The following RAPH1 variants were observed in gnomAD, a reference collection of about 807,000 sequenced individuals.
RAPH1 encodes ras-associated and pleckstrin homology domains-containing protein 1.
Under a neutral mutation model 88.1 loss-of-function variants are expected in RAPH1, and 18 were observed. The observed-to-expected ratio is 0.20, with a 90% confidence interval of 0.14 to 0.30. The LOEUF is 0.30. Among genes scored for constraint, RAPH1 ranks in the 10% least tolerant of loss-of-function variants. The probability of loss-of-function intolerance (pLI) is 1.00; values close to 1 mark genes in which losing one functional copy is unlikely to be tolerated. For missense variants in RAPH1, 1,448 were observed against 1,543.2 expected (o/e 0.94, Z 1.03); for synonymous variants, 587 against 559.0 (o/e 1.05, Z -0.71).
chr2:203,453,946 C>T (rs1353559868), intron 10 of RAPH1, among the ~76,000 whole-genome samples: 1 of 151,984 alleles, frequency 6.6e-6, no homozygotes, highest in Non-Finnish European at 1.5e-5. Flanking sequence ...CAGCTCAGGT[C>T]ACAATACATA....
chr2:203,454,116 G>T (rs932282553), intron 10 of RAPH1, among the ~76,000 whole-genome samples: 1 of 152,120 alleles, frequency 6.6e-6, no homozygotes, highest in Non-Finnish European at 1.5e-5. Context: ...CCTACATTCG[G>T]CTCTGTTCTA....
At chr2:203,515,106 G>C (rs2105940054) in intron 1 of RAPH1, among the ~76,000 whole-genome samples, 1 of 152,304 alleles carries the variant, frequency 6.6e-6, no homozygotes, top group African/African-American at 2.4e-5. Flanking sequence ...TAGGAAAGTA[G>C]AGGGTATCAT....
Position 203,455,530 on chromosome 2 carries a change from A to C in RAPH1, c.1209T>G (p.Leu403=). ...ACTTCTTGCCATCATCCTTCAACCA[A>C]AGGACTCCTTCAATTTCTGGTACAG... ...SVTVPEIEGV[L]WLKDDGKKSW... is the part of the protein sequence containing the mutation. The change falls in exon 9 of 14, where the codon CTT becomes CTG. Residue 403 remains leucine (L), a synonymous_variant. Coordinates refer to ENST00000319170, the MANE Select transcript of RAPH1 (RefSeq NM_213589.3). 6.2e-7 allele frequency: 1 copy of C among 1,613,608 alleles called. No homozygotes were observed. The highest frequency in any genetic ancestry group is 2.2e-5 in the East Asian group (1 of 44,864).
In RAPH1 at chr2:203,489,568, A is replaced by C; in HGVS notation, c.732+16T>G. On this transcript the variant is annotated intron_variant, in intron 4 of 13. Transcript: ENST00000319170. The stretch of plus-strand genomic sequence containing the variant: ...TTTAATAACAAAATACCAGGGAAAA[A>C]GTTCCATTTATTTACCTCAGTAATT... The C allele has an allele frequency of 6.9e-7, 1 of 1,441,198 alleles. No homozygotes were observed. The highest frequency in any genetic ancestry group is 9.2e-7 in the Non-Finnish European group (1 of 1,088,672). 89.3% of individuals were successfully genotyped at this position (1,441,198 alleles called of 1,614,324 possible).
At chr2:203,484,826 C>T (rs994317286) in intron 4 of RAPH1, among the ~76,000 whole-genome samples, 1 of 152,184 alleles carries the variant, frequency 6.6e-6, no homozygotes, top group Non-Finnish European at 1.5e-5. Flanking sequence ...GATTAACATT[C>T]GCTGACAAGA....
Position 203,448,718 on chromosome 2 carries a change from CA to C in RAPH1, c.1512+19del. ...GACAAACACCTCATTATTCCATCAT[CA>C]AATCAAAAGGAGACATGCCTTTGCA... On this transcript the variant is annotated intron_variant, in intron 11 of 13. Coordinates refer to ENST00000319170, the MANE Select transcript of RAPH1 (RefSeq NM_213589.3). The surrounding 1 kb of genome is among the most constrained non-coding windows in gnomAD (Gnocchi z 4.1). 1 of 1,514,492 alleles carries C rather than the reference CA, an allele frequency of 6.6e-7. No individual in the cohort carries two copies. The highest frequency in any genetic ancestry group is 9.0e-7 in the Non-Finnish European group (1 of 1,105,122). The allele number at this position is 1,514,492 out of a possible 1,614,324, so 93.8% of individuals were successfully genotyped here. A position where few individuals can be genotyped will look rare whatever the true frequency, so the allele number is the denominator to read the frequency against.
intron 1 of RAPH1, among the ~76,000 whole-genome samples, chr2:203,498,966 T>G (rs1688627502): frequency 6.6e-6 from 1 of 152,190 alleles, no homozygotes; most frequent in African/African-American, 2.4e-5. Context: ...TACAGTAACA[T>G]GCTGTACAGG....
chr2:203,495,153 A>C, intron 2 of RAPH1, 81 bp downstream of exon 2: 1 of 1,482,560 alleles, frequency 6.7e-7, no homozygotes. Flanking sequence ...TTTAACTTAT[A>C]TCCATATCCT....
At chr2:203,510,335 CA>C (rs33911103) in intron 1 of RAPH1, among the ~76,000 whole-genome samples, 631 of 38,070 alleles carry the variant, frequency 0.017, 2 homozygotes, top group African/African-American at 0.061. Context: ...AACTCCATCT[CA>C]AAAAAAAAAA....
intron 1 of RAPH1, among the ~76,000 whole-genome samples, chr2:203,502,053 G>A (rs16839858): frequency 0.15 from 23,154 of 152,122 alleles, 2,437 homozygotes; most frequent in East Asian, 0.51. Flanking sequence ...TTTAAAGGAA[G>A]CTACAGTCTC....
chr2:203,487,280 G>C (rs1365613055), intron 4 of RAPH1, among the ~76,000 whole-genome samples: 3 of 152,062 alleles, frequency 2.0e-5, no homozygotes, highest in Non-Finnish European at 4.4e-5. Context: ...ATAAAATATT[G>C]CTCATATCCT....
At chr2:203,475,239 C>T (rs1466231882) in intron 4 of RAPH1, among the ~76,000 whole-genome samples, 1 of 152,120 alleles carries the variant, frequency 6.6e-6, no homozygotes, top group Non-Finnish European at 1.5e-5. Flanking sequence ...AACCCCGTCT[C>T]TATTAAAAAT....
At position 203,448,772 on chromosome 2, in the gene RAPH1, A is replaced by G. The variant is rs1248134379; in HGVS notation, c.1478T>C (p.Leu493Pro). The G allele has an allele frequency of 6.2e-7, 1 of 1,610,556 alleles. No homozygotes were observed. The highest frequency in any genetic ancestry group is 8.5e-7 in the Non-Finnish European group (1 of 1,178,216). Residue 493 changes from leucine (L) to proline (P), a missense_variant, in exon 11 of 14, where the codon CTG (leucine) becomes CCG (proline). Around this residue, in one of 2 missense-constraint regions of RAPH1, gnomAD observed 513 missense variants for 653.1 expected, o/e 0.79. Coordinates refer to ENST00000319170, the MANE Select transcript of RAPH1 (RefSeq NM_213589.3). The surrounding 1 kb of genome is among the most constrained non-coding windows in gnomAD (Gnocchi z 4.1). Reference sequence around the variant, plus strand: ...GCGGATCCCATTGACCCACTGATGCAGTGTCCTCACATCATCACAACAAAG... The same window carrying G: ...GCGGATCCCATTGACCCACTGATGCGGTGTCCTCACATCATCACAACAAAG... ...KYLCCDDVRT[L>P]HQWVNGIRIA... is the part of the protein sequence containing the mutation.
chr2:203,444,621 T>A (rs561198836), intron 13 of RAPH1: 3 of 408,796 alleles, frequency 7.3e-6, no homozygotes, highest in Non-Finnish European at 1.3e-5. Flanking sequence ...AAACTGCCAG[T>A]TTTTTTTGTT....
At position 203,438,127 on chromosome 2, in the gene RAPH1, A is replaced by G. The variant is rs757565783; in HGVS notation, c.*1310T>C. 1 of 518,748 alleles carries G rather than the reference A, an allele frequency of 1.9e-6. No individual in the cohort carries two copies. The highest frequency in any genetic ancestry group is 1.4e-5 in the South Asian group (1 of 71,388). The allele number at this position is 518,748 out of a possible 1,614,324, so 32.1% of individuals were successfully genotyped here. A position where few individuals can be genotyped will look rare whatever the true frequency, so the allele number is the denominator to read the frequency against. ...TACTGGACTTGGACTGTCCCACTCC[A>G]TCAGAACACCTAGTAACCTGAACTA... On this transcript the variant is annotated 3_prime_UTR_variant, in exon 14 of 14. Coordinates refer to ENST00000319170, the MANE Select transcript of RAPH1 (RefSeq NM_213589.3).
intron 1 of RAPH1, among the ~76,000 whole-genome samples, chr2:203,518,796 G>A (rs2105956000): frequency 6.6e-6 from 1 of 152,254 alleles, no homozygotes; most frequent in East Asian, 1.9e-4. Context: ...AGTGAGCTAT[G>A]ATCCCACCAC....
chr2:203,464,170 T>A (rs1017619951), intron 4 of RAPH1, among the ~76,000 whole-genome samples: 1 of 152,222 alleles, frequency 6.6e-6, no homozygotes, highest in Non-Finnish European at 1.5e-5. Context: ...CCAAGGTATA[T>A]TTGCAGGTTT....
At chr2:203,450,964 C>G (rs780640846) in intron 10 of RAPH1, among the ~76,000 whole-genome samples, 16 of 151,548 alleles carry the variant, frequency 1.1e-4, no homozygotes, top group Admixed American at 4.6e-4. Context: ...CCACCCTGTT[C>G]TCCTCATCTC....
In RAPH1 at chr2:203,438,224, C is replaced by G; in HGVS notation, c.*1213G>C. ...CTATAAATGAAACTGTCTTCCCTCT[C>G]CATGTAGTCCCATACTTAATGAGCT... On this transcript the variant is annotated 3_prime_UTR_variant, in exon 14 of 14. Coordinates refer to ENST00000319170, the MANE Select transcript of RAPH1 (RefSeq NM_213589.3). 1.9e-6 allele frequency: 1 copy of G among 516,032 alleles called. No individual in the cohort carries two copies. The highest frequency in any genetic ancestry group is 3.9e-6 in the Non-Finnish European group (1 of 258,714). The allele number at this position is 516,032 out of a possible 1,614,324, so 32.0% of individuals were successfully genotyped here. A position where few individuals can be genotyped will look rare whatever the true frequency, so the allele number is the denominator to read the frequency against.
Sources: gnomAD v4.1 joint callset for allele counts (sites outside exome capture counted in the v4.1 genomes callset) on GRCh38, gnomAD v4.1.1 for gene constraint, gnomAD v4.1.1 regional missense constraint, Gnocchi (gnomAD v3.1) non-coding constraint, MANE v1.5 for transcripts, NCBI Gene and HGNC (gene_info 2026-07-23, HGNC 2026-07-21) for gene names.